Variants in PDGFC observed in about 807,000 individuals in gnomAD.
PDGFC encodes platelet derived growth factor C.
A neutral mutation model predicts 35.5 loss-of-function variants in PDGFC; 12 were observed. That is an observed-to-expected ratio of 0.34 (90% CI 0.22 to 0.55). The LOEUF is 0.55. Ranked by LOEUF, PDGFC falls within the 20% of genes least tolerant of loss-of-function variation. The pLI is 0.91. For synonymous variants in PDGFC, 159 were observed against 148.8 expected (o/e 1.07, Z -0.50); for missense variants, 322 against 412.4 (o/e 0.78, Z 1.90).
At chr4:156,853,169 T>C (rs1729495370) in intron 1 of PDGFC, among the ~76,000 whole-genome samples, 1 of 152,234 alleles carries the variant, frequency 6.6e-6, no homozygotes, top group African/African-American at 2.4e-5. Flanking sequence ...TATGGGTATT[T>C]CTTTTTGCTC....
chr4:156,822,356 C>CAAAAA (rs397878245), intron 2 of PDGFC, among the ~76,000 whole-genome samples: 1 of 70,294 alleles, frequency 1.4e-5, no homozygotes, highest in Non-Finnish European at 3.2e-5. Context: ...GAAACTGTCT[C>CAAAAA]AAAAAAAAAA....
intron 2 of PDGFC, among the ~76,000 whole-genome samples, chr4:156,812,217 C>T (rs187024126): frequency 4.5e-4 from 68 of 151,948 alleles, no homozygotes; most frequent in Middle Eastern, 3.4e-3. Context: ...CTAAAACAAA[C>T]ATATTCTTAT....
chr4:156,797,112 C>T (rs1261734941), intron 3 of PDGFC, among the ~76,000 whole-genome samples: 2 of 151,816 alleles, frequency 1.3e-5, no homozygotes, highest in Non-Finnish European at 2.9e-5. Flanking sequence ...GTGGCGGCTG[C>T]CTGTAGTCCC....
Position 156,767,859 on chromosome 4 carries a change from G to A in PDGFC, c.835C>T (p.Arg279Cys), listed in dbSNP as rs778368467. The change falls in exon 5 of 6, where the codon CGC becomes TGC. Residue 279 changes from arginine (R) to cysteine (C), a missense_variant. By Grantham distance (180) the Arg-to-Cys change is radical. Around this residue, in one of 2 missense-constraint regions of PDGFC, gnomAD observed 202 missense variants for 295.9 expected, o/e 0.68. Transcript: ENST00000502773. ...IFWPGCLLVK[R>C]CGGNCACCLH... is the part of the protein sequence containing the mutation. ...CAACAGGCACAGTTCCCACCACAGCGTTTAACCAGGAGACAACCTGGCCAG... is the reference window on the plus strand; with the variant it reads ...CAACAGGCACAGTTCCCACCACAGCATTTAACCAGGAGACAACCTGGCCAG... 6.2e-7 allele frequency: 1 copy of A among 1,613,272 alleles called. No homozygotes were observed. The highest frequency in any genetic ancestry group is 8.5e-7 in the Non-Finnish European group (1 of 1,179,424).
chr4:156,842,079 C>A (rs544902275), intron 2 of PDGFC: 1 of 152,164 alleles, frequency 6.6e-6, no homozygotes, highest in East Asian at 1.9e-4. Context: ...AGAGAAAGGC[C>A]ATCTCTTCTA....
chr4:156,794,144 C>T (rs1437168721), intron 3 of PDGFC, among the ~76,000 whole-genome samples: 1 of 152,112 alleles, frequency 6.6e-6, no homozygotes, highest in African/African-American at 2.4e-5. Context: ...TAACTTTAAA[C>T]CGTGTTTCTT....
At chr4:156,933,542 A>C (rs368811868) in intron 1 of PDGFC, among the ~76,000 whole-genome samples, 340 of 152,280 alleles carry the variant, frequency 2.2e-3, no homozygotes, top group African/African-American at 7.9e-3. Flanking sequence ...ATTTTTTGCT[A>C]TTATTTGGTA....
intron 1 of PDGFC, among the ~76,000 whole-genome samples, chr4:156,900,248 C>T (rs1443232): frequency 0.61 from 92,419 of 151,998 alleles, 28,286 homozygotes; most frequent in East Asian, 0.7. Flanking sequence ...CTGAATGTCA[C>T]ACCTAAAATC....
chr4:156,942,384 A>G (rs1329119274), intron 1 of PDGFC, among the ~76,000 whole-genome samples: 4 of 152,160 alleles, frequency 2.6e-5, no homozygotes, highest in Non-Finnish European at 4.4e-5. Flanking sequence ...ACTATAATTT[A>G]ACAGGTGGCA....
At chr4:156,798,805 T>G (rs1016899339) in intron 3 of PDGFC, among the ~76,000 whole-genome samples, 1 of 152,340 alleles carries the variant, frequency 6.6e-6, no homozygotes, top group South Asian at 2.1e-4. Context: ...CACTTAATGC[T>G]ATTTCATTAA....
chr4:156,918,420 G>T (rs1731198363), intron 1 of PDGFC, among the ~76,000 whole-genome samples: 1 of 152,200 alleles, frequency 6.6e-6, no homozygotes, highest in East Asian at 1.9e-4. Flanking sequence ...AATTAGAAAG[G>T]TTATAGCCAT....
intron 2 of PDGFC, among the ~76,000 whole-genome samples, chr4:156,835,407 A>G (rs1436324712): frequency 1.3e-5 from 2 of 152,200 alleles, no homozygotes; most frequent in East Asian, 3.8e-4. Flanking sequence ...ATTTTAAGAA[A>G]TCTGAATCAT....
chr4:156,906,271 AAG>A, intron 1 of PDGFC, among the ~76,000 whole-genome samples: 1 of 152,280 alleles, frequency 6.6e-6, no homozygotes, highest in Admixed American at 6.5e-5. Flanking sequence ...CGACAAATTT[AAG>A]CTTTCTCTGC....
chr4:156,909,377 A>G (rs971309474), intron 1 of PDGFC, among the ~76,000 whole-genome samples: 2 of 152,232 alleles, frequency 1.3e-5, no homozygotes, highest in Admixed American at 6.5e-5. Context: ...TGGGACAAAC[A>G]GAATTCTCTC....
At chr4:156,825,593 T>TAATAAG (rs1267062505) in intron 2 of PDGFC, among the ~76,000 whole-genome samples, 734 of 62,140 alleles carry the variant, frequency 0.012, 5 homozygotes, top group Non-Finnish European at 0.014. Context: ...ATAATAATAA[T>TAATAAG]AAGAAGAAGA....
intron 1 of PDGFC, among the ~76,000 whole-genome samples, chr4:156,941,911 AAAAAT>A (rs1475067300): frequency 1.3e-5 from 2 of 152,204 alleles, no homozygotes; most frequent in South Asian, 2.1e-4. Flanking sequence ...GGCTTAGAAA[AAAAAT>A]AAAATAAAAG....
At chr4:156,873,967 T>C (rs1730048231) in intron 1 of PDGFC, 1 of 152,218 alleles carries the variant, frequency 6.6e-6, no homozygotes, top group Admixed American at 6.5e-5. Flanking sequence ...ATCAAGTCTT[T>C]CCTGCTCAAA....
At chr4:156,780,905 T>C (rs1560808544) in intron 3 of PDGFC, among the ~76,000 whole-genome samples, 2 of 152,190 alleles carry the variant, frequency 1.3e-5, no homozygotes, top group Non-Finnish European at 2.9e-5. Flanking sequence ...CACTGTGCTC[T>C]GCAGATTTTC....
intron 1 of PDGFC, among the ~76,000 whole-genome samples, chr4:156,933,532 A>AT (rs951975379): frequency 5.3e-5 from 8 of 152,106 alleles, no homozygotes; most frequent in Non-Finnish European, 1.2e-4. Context: ...GTTGTTCTCA[A>AT]TTTTTTGCTA....
Sources: gnomAD v4.1 joint callset for allele counts (sites outside exome capture counted in the v4.1 genomes callset) on GRCh38, gnomAD v4.1.1 for gene constraint, gnomAD v4.1.1 regional missense constraint, MANE v1.5 for transcripts, NCBI Gene and HGNC (gene_info 2026-07-23, HGNC 2026-07-21) for gene names.